Variants in EIPR1 observed in about 807,000 individuals in gnomAD.
EIPR1 encodes EARP and GARP complex-interacting protein 1.
EIPR1 carries 25 observed loss-of-function variants against 48.1 expected under a neutral mutation model. The ratio of observed to expected loss-of-function variants is 0.52; its 90% CI spans 0.38 to 0.73. The LOEUF (loss-of-function observed/expected upper bound fraction) is 0.73. Among genes scored for constraint, EIPR1 ranks in the 30% least tolerant of loss-of-function variants. The pLI is 0.00. For synonymous variants in EIPR1, 204 were observed against 201.9 expected (o/e 1.01, Z -0.09); for missense variants, 415 against 506.2 (o/e 0.82, Z 1.73).
At chr2:3,205,541 A>C (rs1045871033) in intron 5 of EIPR1, among the ~76,000 whole-genome samples, 2 of 152,200 alleles carry the variant, frequency 1.3e-5, no homozygotes, top group Admixed American at 6.5e-5. Flanking sequence ...TTTATTTCCA[A>C]GCTTCTTGTT....
intron 7 of EIPR1, 68 bp from the exon 8 acceptor site, chr2:3,192,649 C>G (rs150217251): frequency 1.0e-5 from 16 of 1,538,680 alleles, no homozygotes; most frequent in Non-Finnish European, 1.3e-5. Context: ...TGGATCACAC[C>G]GGCTCTGAGG....
chr2:3,203,663 C>T (rs556558193), intron 5 of EIPR1, among the ~76,000 whole-genome samples: 4 of 152,332 alleles, frequency 2.6e-5, no homozygotes, highest in African/African-American at 9.6e-5. Context: ...CTGGGATGGC[C>T]CTCGGACTTG....
intron 4 of EIPR1, among the ~76,000 whole-genome samples, chr2:3,225,220 A>ATGTGTGTGTGTGTGTGTG: frequency 1.1e-5 from 1 of 90,432 alleles, no homozygotes; most frequent in African/African-American, 3.6e-5. Context: ...GTACACTGTG[A>ATGTGTGTGTGTGTGTGTG]TATGTGTGTG....
chr2:3,223,057 C>T (rs1210856152), intron 4 of EIPR1, among the ~76,000 whole-genome samples: 1 of 152,142 alleles, frequency 6.6e-6, no homozygotes, highest in Non-Finnish European at 1.5e-5. Context: ...ACTGCCCAAG[C>T]CTGAGACTGG....
intron 3 of EIPR1, among the ~76,000 whole-genome samples, chr2:3,278,705 G>C (rs1325045151): frequency 6.6e-6 from 1 of 152,146 alleles, no homozygotes; most frequent in African/African-American, 2.4e-5. Context: ...GACCATCAGC[G>C]AGGTCGGCCC....
intron 1 of EIPR1, among the ~76,000 whole-genome samples, chr2:3,372,017 AT>A (rs1199085045): frequency 2.6e-5 from 4 of 152,198 alleles, no homozygotes; most frequent in African/African-American, 9.6e-5. Context: ...AAGAACAGAA[AT>A]TATAACAAAC....
chr2:3,256,917 G>A (rs1323725722), intron 4 of EIPR1, among the ~76,000 whole-genome samples: 2 of 152,366 alleles, frequency 1.3e-5, no homozygotes, highest in East Asian at 1.9e-4. Context: ...GGGAGGAAGG[G>A]ATTGTAAGCC....
chr2:3,318,421 GAGCC>G (rs1015417446), intron 3 of EIPR1, among the ~76,000 whole-genome samples: 2 of 152,202 alleles, frequency 1.3e-5, no homozygotes, highest in Non-Finnish European at 2.9e-5. Context: ...GATCTGGAAG[GAGCC>G]ATAAACAGCA....
rs142651251 is a variant in EIPR1 at position 3,193,918 on chromosome 2, G to C, written c.821+81C>G. On this transcript the variant is annotated intron_variant, in intron 7 of 8. Transcript: ENST00000382125. The stretch of plus-strand genomic sequence containing the variant: ...ACAGCAGCACAAACTAAGCTGGTTT[G>C]TGTCTTTCCCAATGGTAAAGTAATT... 13,870 of 1,512,292 alleles carry C rather than the reference G, an allele frequency of 9.2e-3. 83 individuals carry two copies. Among genetic ancestry groups the C allele is most frequent in the Non-Finnish European group, 0.011 (12,198 of 1,109,920 alleles). The allele number at this position is 1,512,292 out of a possible 1,614,324, so 93.7% of individuals were successfully genotyped here.
rs1356730055 is a variant in EIPR1, at chr2:3,269,357, G to GTCATCGCACTCAA, written c.260-11915_260-11903dup. Among the ~76,000 whole-genome samples, 10 of 45,502 alleles carry GTCATCGCACTCAA rather than the reference G, an allele frequency of 2.2e-4. 2 individuals are homozygous for GTCATCGCACTCAA. The allele number at this position is 45,502 out of a possible 152,430, so 29.9% of individuals were successfully genotyped here. ...TCATCACACTCAGTCATCGCACTCAGTCATCGCACTCAATCATCGCACTCA... is the reference window on the plus strand; with the variant it reads ...TCATCACACTCAGTCATCGCACTCAGTCATCGCACTCAATCATCGCACTCAATCATCGCACTCA... On this transcript the variant is annotated intron_variant, in intron 3 of 8. Transcript: ENST00000382125.
intron 4 of EIPR1, among the ~76,000 whole-genome samples, 160 bp downstream of exon 4, chr2:3,257,139 C>T (rs1403474528): frequency 1.3e-5 from 2 of 152,290 alleles, no homozygotes; most frequent in East Asian, 3.9e-4. Context: ...ATCTAGAAAA[C>T]ACAGGGACTA....
At chr2:3,260,854 T>C (rs766865319) in intron 3 of EIPR1, among the ~76,000 whole-genome samples, 16 of 152,146 alleles carry the variant, frequency 1.1e-4, no homozygotes, top group Admixed American at 2.6e-4. Context: ...GAAATTTTCA[T>C]TTAAAAAAGA....
intron 1 of EIPR1, among the ~76,000 whole-genome samples, chr2:3,368,355 T>C (rs556384302): frequency 6.6e-6 from 1 of 152,352 alleles, no homozygotes; most frequent in South Asian, 2.1e-4. Flanking sequence ...CAAGTCATCA[T>C]TGTCACCCAC....
intron 3 of EIPR1, among the ~76,000 whole-genome samples, chr2:3,336,867 A>AAAGGG (rs1476565216): frequency 2.4e-5 from 3 of 124,632 alleles, no homozygotes; most frequent in African/African-American, 9.1e-5. Context: ...AGGGAAGGGA[A>AAAGGG]AAGGGAAGGG....
chr2:3,342,881 T>C (rs1282390712), intron 2 of EIPR1, among the ~76,000 whole-genome samples: 1 of 152,220 alleles, frequency 6.6e-6, no homozygotes, highest in African/African-American at 2.4e-5. Context: ...CAAGTACACA[T>C]CTTCATGAAC....
chr2:3,211,592 A>T (rs1424091671), intron 5 of EIPR1, among the ~76,000 whole-genome samples: 1 of 152,182 alleles, frequency 6.6e-6, no homozygotes, highest in East Asian at 1.9e-4. Context: ...GGTACATTTT[A>T]AACCTCTGAT....
At chr2:3,348,800 C>A (rs934044224) in intron 2 of EIPR1, among the ~76,000 whole-genome samples, 3 of 152,224 alleles carry the variant, frequency 2.0e-5, no homozygotes, top group African/African-American at 7.2e-5. Flanking sequence ...AGCCACCACT[C>A]CCCAGGAGAG....
intron 6 of EIPR1, among the ~76,000 whole-genome samples, chr2:3,195,213 G>A (rs996666381): frequency 2.0e-5 from 3 of 152,226 alleles, no homozygotes; most frequent in Admixed American, 1.3e-4. Context: ...AAAAGGCTGC[G>A]CCCAGGAGAG....
At chr2:3,339,954 A>G (rs1670184757) in intron 2 of EIPR1, among the ~76,000 whole-genome samples, 1 of 152,218 alleles carries the variant, frequency 6.6e-6, no homozygotes. Flanking sequence ...CGTCTCAACA[A>G]CAACAAAAAA....
Sources: gnomAD v4.1 joint callset for allele counts (sites outside exome capture counted in the v4.1 genomes callset) on GRCh38, gnomAD v4.1.1 for gene constraint, MANE v1.5 for transcripts, NCBI Gene and HGNC (gene_info 2026-07-23, HGNC 2026-07-21) for gene names.